Variants in NCS1 observed in about 807,000 individuals in gnomAD.
The protein encoded by NCS1 is frequenin homolog.
Under a neutral mutation model 28.4 loss-of-function variants are expected in NCS1, and 6 were observed. The ratio of observed to expected loss-of-function variants is 0.21; its 90% CI spans 0.12 to 0.42. The LOEUF is 0.42. Ranked by LOEUF, NCS1 falls within the 10% of genes least tolerant of loss-of-function variation. The pLI is 1.00. For missense variants in NCS1, 131 were observed against 241.4 expected, an observed-to-expected ratio of 0.54 and a Z score of 3.03; for synonymous variants, 86 against 99.3, an observed-to-expected ratio of 0.87 and a Z score of 0.79.
rs1022560953 is a variant in NCS1 at position 130,232,347 on chromosome 9, A to G, written c.*18-643A>G. 1.4e-4 allele frequency among the ~76,000 whole-genome samples: 22 copies of G among 152,258 alleles called. No homozygotes were observed. The highest frequency in any genetic ancestry group is 2.6e-4 in the Non-Finnish European group (18 of 68,014). On this transcript the variant is annotated intron_variant, in intron 7 of 7. Coordinates refer to ENST00000372398, the MANE Select transcript of NCS1 (RefSeq NM_014286.4). The surrounding 1 kb of genome is among the most constrained non-coding windows in gnomAD (Gnocchi z 4.4). ...CTATGTGTTGTTTTTAATGGTTTGT[A>G]AACTGTTTTATCCTGTGGGTGTGTC...
intron 4 of NCS1, among the ~76,000 whole-genome samples, chr9:130,222,428 C>T (rs1173592366): frequency 6.6e-6 from 1 of 152,086 alleles, no homozygotes; most frequent in Non-Finnish European, 1.5e-5. Flanking sequence ...CCTGGGATTA[C>T]AGGTGTGAGC....
chr9:130,204,023 C>T (rs892132371), intron 2 of NCS1, among the ~76,000 whole-genome samples: 44 of 152,020 alleles, frequency 2.9e-4, no homozygotes, highest in African/African-American at 9.9e-4. Flanking sequence ...GACAGAGTCT[C>T]GCCTTGTTGC....
At chr9:130,218,766 T>A (rs1311627849) in intron 3 of NCS1, among the ~76,000 whole-genome samples, 1 of 152,092 alleles carries the variant, frequency 6.6e-6, no homozygotes, top group Non-Finnish European at 1.5e-5. Flanking sequence ...AATTTTTGTA[T>A]TTTTAGTAGA....
rs549686488 is a variant in NCS1, at chr9:130,219,659, G to A, written c.229-66G>A. 2.3e-5 allele frequency: 34 copies of A among 1,507,896 alleles called. No individual in the cohort carries two copies. In the African/African-American group the frequency reaches 3.4e-4, roughly 15 times the overall value. The allele number at this position is 1,507,896 out of a possible 1,614,324, so 93.4% of individuals were successfully genotyped here. A position where few individuals can be genotyped will look rare whatever the true frequency, so the allele number is the denominator to read the frequency against. On this transcript the variant is annotated intron_variant, in intron 3 of 7. Transcript: ENST00000372398. This position sits in a 1 kb window ranked among gnomAD's most constrained non-coding sequence, Gnocchi z 5.7. ...CCTGCGACTGCCCCTCGCCCGTCCC[G>A]AGGTTCAGCCTGACCCGGTGGCCTG... is the stretch of plus-strand genomic sequence containing the variant.
rs1479896624 is a variant in NCS1 at position 130,172,545 on chromosome 9, C to G, written c.-119C>G. The stretch of plus-strand genomic sequence containing the variant: ...CGCCCCGGCGCCGACAGCCGCGCAG[C>G]GCAGCGCGGGCGCCGCAGACAAAGG... On this transcript the variant is annotated 5_prime_UTR_variant, in exon 1 of 8. Transcript: ENST00000372398. 1 of 345,396 alleles carries G rather than the reference C, an allele frequency of 2.9e-6. No homozygotes were observed. The highest frequency in any genetic ancestry group is 1.7e-4 in the East Asian group (1 of 5,748). 21.4% of individuals were successfully genotyped at this position (345,396 alleles called of 1,614,324 possible). A position where few individuals can be genotyped will look rare whatever the true frequency, so the allele number is the denominator to read the frequency against.
At chr9:130,222,781 C>CA in intron 5 of NCS1, 43 bp downstream of exon 5, 1 of 1,577,642 alleles carries the variant, frequency 6.3e-7, no homozygotes, top group Non-Finnish European at 8.7e-7. Context: ...GCAGGAGGGG[C>CA]AAAGCCAGTG....
At chr9:130,217,025 G>C (rs918374913) in intron 2 of NCS1, among the ~76,000 whole-genome samples, 1 of 152,132 alleles carries the variant, frequency 6.6e-6, no homozygotes, top group Non-Finnish European at 1.5e-5. Flanking sequence ...ACTCATTTTT[G>C]TGCTAAGCCC....
chr9:130,187,840 C>T (rs1459547403), intron 1 of NCS1, among the ~76,000 whole-genome samples: 5 of 152,198 alleles, frequency 3.3e-5, no homozygotes, highest in Admixed American at 1.3e-4. Flanking sequence ...TAGGTGTGAC[C>T]GTGTGGCTTC....
In NCS1 at chr9:130,222,755, C is replaced by G. The variant is rs199793742; in HGVS notation, c.396+17C>G. ...CAGATGGTGGTGAGAAGCCGGGTCTCGTGTGGTTAGGGGTGGCAGGAGGGG... is the reference window on the plus strand; with the variant it reads ...CAGATGGTGGTGAGAAGCCGGGTCTGGTGTGGTTAGGGGTGGCAGGAGGGG... On this transcript the variant is annotated intron_variant, in intron 5 of 7. Transcript: ENST00000372398. 3.1e-4 allele frequency: 492 copies of G among 1,613,010 alleles called. No homozygotes were observed. The highest frequency in any genetic ancestry group is 2.1e-4 in the Non-Finnish European group (245 of 1,179,154).
chr9:130,216,031 C>G (rs538928695), intron 2 of NCS1, among the ~76,000 whole-genome samples: 1 of 152,160 alleles, frequency 6.6e-6, no homozygotes, highest in East Asian at 1.9e-4. Flanking sequence ...CCTTCCAGGC[C>G]GCAGAATTTT....
intron 2 of NCS1, among the ~76,000 whole-genome samples, chr9:130,204,471 T>C (rs1306389801): frequency 1.3e-5 from 2 of 152,004 alleles, no homozygotes; most frequent in Non-Finnish European, 2.9e-5. Context: ...TAAAAAATTT[T>C]ACTGTAGAGC....
intron 1 of NCS1, among the ~76,000 whole-genome samples, chr9:130,194,343 A>AGGCTGTGGGCACCGTGGGTGCTTCCT (rs1832851547): frequency 4.0e-5 from 6 of 150,362 alleles, no homozygotes; most frequent in Admixed American, 3.3e-4. Context: ...GGTGGAAAGG[A>AGGCTGTGGGCACCGTGGGTGCTTCCT]GGCTGTGGGC....
At chr9:130,228,095 C>T (rs1833443231) in intron 7 of NCS1, among the ~76,000 whole-genome samples, 1 of 152,146 alleles carries the variant, frequency 6.6e-6, no homozygotes, top group African/African-American at 2.4e-5. Context: ...CAGAGCTTTC[C>T]AAGAGAGAAG....
At chr9:130,173,215 G>A (rs1832515146) in intron 1 of NCS1, among the ~76,000 whole-genome samples, 1 of 151,230 alleles carries the variant, frequency 6.6e-6, no homozygotes, top group South Asian at 2.1e-4. Context: ...GGGGGGTGGC[G>A]AGACTTGGCA....
At chr9:130,210,914 C>T (rs1554908707) in intron 2 of NCS1, among the ~76,000 whole-genome samples, 2 of 150,406 alleles carry the variant, frequency 1.3e-5, no homozygotes, top group East Asian at 1.9e-4. Flanking sequence ...TCATAGCTCA[C>T]TGCAACCTCA....
In NCS1 at chr9:130,222,975, G is replaced by T. The variant is rs546170569; in HGVS notation, c.397-107G>T. 51 of 899,302 alleles carry T rather than the reference G, an allele frequency of 5.7e-5. 1 individual carries two copies. Among genetic ancestry groups the T allele is most frequent in the Admixed American group, 1.2e-4 (6 of 49,132 alleles). 55.7% of individuals were successfully genotyped at this position (899,302 alleles called of 1,614,324 possible). ...CAGGGATGGGGAGGGGAAAGAAGAG[G>T]GGGGCGGCCCTCATCTGGAAACTGC... On this transcript the variant is annotated intron_variant, in intron 5 of 7. Transcript: ENST00000372398.
In NCS1 at chr9:130,215,303, T is replaced by A. The variant is rs1554909198; in HGVS notation, c.90-2529T>A. On this transcript the variant is annotated intron_variant, in intron 2 of 7. Coordinates refer to ENST00000372398, the MANE Select transcript of NCS1 (RefSeq NM_014286.4). The surrounding 1 kb of genome is among the most constrained non-coding windows in gnomAD (Gnocchi z 4.2). ...TCAAAAGAAGCAGGGAGAAGGCAGG[T>A]TTAAGGGCCAGGACGGGGGTGGCTG... is the stretch of plus-strand genomic sequence containing the variant. 6.6e-6 allele frequency among the ~76,000 whole-genome samples: 1 copy of A among 151,900 alleles called. No individual in the cohort carries two copies. The highest frequency in any genetic ancestry group is 6.6e-5 in the Admixed American group (1 of 15,252).
intron 1 of NCS1, among the ~76,000 whole-genome samples, chr9:130,182,950 C>T (rs371545632): frequency 3.0e-4 from 45 of 152,342 alleles, no homozygotes; most frequent in African/African-American, 9.4e-4. Flanking sequence ...AGGGGACCCC[C>T]GTGACTTTTA....
intron 1 of NCS1, among the ~76,000 whole-genome samples, chr9:130,184,794 AT>A (rs34059439): frequency 1.1e-4 from 16 of 146,436 alleles, no homozygotes; most frequent in South Asian, 2.2e-4. Context: ...CGCCTGGCTA[AT>A]TTTTTTTTTT....
Sources: gnomAD v4.1 joint callset for allele counts (sites outside exome capture counted in the v4.1 genomes callset) on GRCh38, gnomAD v4.1.1 for gene constraint, Gnocchi (gnomAD v3.1) non-coding constraint, MANE v1.5 for transcripts, NCBI Gene and HGNC (gene_info 2026-07-23, HGNC 2026-07-21) for gene names.